The following GASK1A variants were observed in gnomAD, a reference collection of about 807,000 sequenced individuals.
GASK1A encodes golgi associated kinase 1A.
A neutral mutation model predicts 41.2 loss-of-function variants in GASK1A; 40 were observed. The ratio of observed to expected loss-of-function variants is 0.97; its 90% CI spans 0.75 to 1.27. GASK1A has a LOEUF of 1.27. Among genes scored for constraint, GASK1A ranks in the 50% most tolerant of loss-of-function variants. The probability of loss-of-function intolerance (pLI) is 0.00; values close to 1 mark genes in which losing one functional copy is unlikely to be tolerated. For synonymous variants in GASK1A, 316 were observed against 307.1 expected (o/e 1.03, Z -0.30); for missense variants, 678 against 745.1 (o/e 0.91, Z 1.05).
intron 2 of GASK1A, among the ~76,000 whole-genome samples, chr3:43,035,549 T>C (rs1361405297): frequency 6.6e-6 from 1 of 152,162 alleles, no homozygotes; most frequent in East Asian, 1.9e-4. Flanking sequence ...ACAGTGGTAA[T>C]TGCTGTCTCT....
intron 1 of GASK1A, among the ~76,000 whole-genome samples, chr3:42,999,691 G>C (rs1018460066): frequency 6.6e-6 from 1 of 152,304 alleles, no homozygotes; most frequent in East Asian, 1.9e-4. Context: ...ACAAATTGAC[G>C]CACATCGAGT....
chr3:43,036,813 T>A (rs905149101), intron 2 of GASK1A, among the ~76,000 whole-genome samples: 18 of 152,174 alleles, frequency 1.2e-4, no homozygotes, highest in Admixed American at 9.8e-4. Context: ...TGGTGTCAGC[T>A]GGCAACCTGA....
intron 2 of GASK1A, among the ~76,000 whole-genome samples, chr3:43,037,659 A>G (rs2089611141): frequency 1.3e-5 from 2 of 152,228 alleles, no homozygotes; most frequent in Admixed American, 6.5e-5. Flanking sequence ...ACAATAAAAC[A>G]AAAAAGAGAA....
chr3:43,045,390 T>C (rs2089657126), intron 2 of GASK1A, among the ~76,000 whole-genome samples: 1 of 152,172 alleles, frequency 6.6e-6, no homozygotes, highest in African/African-American at 2.4e-5. Context: ...TCTTTTATAT[T>C]ATGACAGACA....
chr3:43,016,073 G>A (rs1471928985), intron 1 of GASK1A, among the ~76,000 whole-genome samples: 1 of 152,062 alleles, frequency 6.6e-6, no homozygotes. Context: ...GGGGCTGTGT[G>A]AGGGCAGAAG....
chr3:43,051,424 A>C (rs1179943572), intron 2 of GASK1A, among the ~76,000 whole-genome samples: 2 of 152,178 alleles, frequency 1.3e-5, no homozygotes, highest in African/African-American at 4.8e-5. Flanking sequence ...TGCAATTGAC[A>C]AATCTGCTTT....
At chr3:43,028,203 T>C (rs1046561634) in intron 1 of GASK1A, among the ~76,000 whole-genome samples, 3 of 152,198 alleles carry the variant, frequency 2.0e-5, no homozygotes, top group Non-Finnish European at 4.4e-5. Context: ...ATGTTTCTTA[T>C]CAGACATAAA....
intron 4 of GASK1A, 195 bp from the exon 5 acceptor site, chr3:43,055,981 C>A (rs957054176): frequency 1.9e-5 from 11 of 580,512 alleles, no homozygotes; most frequent in Non-Finnish European, 3.1e-6. Flanking sequence ...TGTCCCCTGC[C>A]TTCACAGCAA....
At chr3:43,051,406 C>T (rs1048337317) in intron 2 of GASK1A, among the ~76,000 whole-genome samples, 5 of 152,146 alleles carry the variant, frequency 3.3e-5, no homozygotes, top group South Asian at 2.1e-4. Context: ...ATCTCCAACA[C>T]GTATGTATGC....
intron 1 of GASK1A, among the ~76,000 whole-genome samples, chr3:43,006,711 G>A (rs1249180646): frequency 3.3e-5 from 5 of 152,152 alleles, no homozygotes; most frequent in Non-Finnish European, 7.3e-5. Flanking sequence ...AACAGAGCCC[G>A]AGGCTGGAGG....
intron 1 of GASK1A, among the ~76,000 whole-genome samples, chr3:43,017,872 G>A (rs1449739412): frequency 6.6e-6 from 1 of 151,994 alleles, no homozygotes; most frequent in African/African-American, 2.4e-5. Flanking sequence ...AAGGGCCAGT[G>A]CGAAGCCACA....
chr3:43,006,647 G>T (rs1306687004), intron 1 of GASK1A, among the ~76,000 whole-genome samples: 1 of 152,132 alleles, frequency 6.6e-6, no homozygotes, highest in East Asian at 1.9e-4. Flanking sequence ...TTTCCCCAGT[G>T]TTCTGAAGCT....
intron 1 of GASK1A, among the ~76,000 whole-genome samples, chr3:42,985,145 A>T (rs1189547046): frequency 6.6e-6 from 1 of 152,168 alleles, no homozygotes; most frequent in Non-Finnish European, 1.5e-5. Flanking sequence ...AGGGAAAAGG[A>T]GGAAGATAGA....
At chr3:42,998,814 C>G (rs2089390785) in intron 1 of GASK1A, among the ~76,000 whole-genome samples, 1 of 152,190 alleles carries the variant, frequency 6.6e-6, no homozygotes, top group African/African-American at 2.4e-5. Context: ...CTGGTTATAG[C>G]TGGTTCTGAC....
intron 1 of GASK1A, among the ~76,000 whole-genome samples, chr3:43,011,994 G>A (rs2089465923): frequency 6.6e-6 from 1 of 152,098 alleles, no homozygotes; most frequent in South Asian, 2.1e-4. Context: ...TAAAGGGGCT[G>A]TGTGAAGTAA....
chr3:43,029,015 AG>A (rs1396646222), intron 1 of GASK1A, among the ~76,000 whole-genome samples: 1 of 151,872 alleles, frequency 6.6e-6, no homozygotes, highest in Non-Finnish European at 1.5e-5. Context: ...GTGTCAGGTG[AG>A]GGGGGAAGAT....
At chr3:43,053,808 A>C in intron 3 of GASK1A, 165 bp downstream of exon 3, 1 of 850,542 alleles carries the variant, frequency 1.2e-6, no homozygotes, top group Non-Finnish European at 1.9e-6. Flanking sequence ...AGGAGTCCGC[A>C]ATATATAAAG....
At chr3:43,047,215 C>T (rs1434789599) in intron 2 of GASK1A, among the ~76,000 whole-genome samples, 2 of 152,236 alleles carry the variant, frequency 1.3e-5, no homozygotes, top group African/African-American at 4.8e-5. Flanking sequence ...TCAATGCTAG[C>T]CGGTGAGAGC....
intron 1 of GASK1A, among the ~76,000 whole-genome samples, chr3:43,023,491 A>G (rs1189588591): frequency 6.6e-6 from 1 of 152,226 alleles, no homozygotes; most frequent in Admixed American, 6.5e-5. Context: ...TTATAATGCA[A>G]AGAAAAGCAA....
Sources: gnomAD v4.1 joint callset for allele counts (sites outside exome capture counted in the v4.1 genomes callset) on GRCh38, gnomAD v4.1.1 for gene constraint, MANE v1.5 for transcripts, NCBI Gene and HGNC (gene_info 2026-07-23, HGNC 2026-07-21) for gene names.